The following CUEDC1 variants were observed in gnomAD, a reference collection of about 807,000 sequenced individuals.
CUEDC1 encodes CUE domain-containing protein 1.
In CUEDC1, 30 loss-of-function variants were observed where a neutral mutation model predicts 43.7. That is an observed-to-expected ratio of 0.69 (90% CI 0.51 to 0.93). The LOEUF is 0.93. Among genes scored for constraint, CUEDC1 ranks in the 40% least tolerant of loss-of-function variants. CUEDC1 has a pLI of 0.00. For missense variants in CUEDC1, 486 were observed against 549.0 expected (o/e 0.89, Z 1.15); for synonymous variants, 223 against 223.6 (o/e 1.00, Z 0.02).
At chr17:57,863,394 TA>T (rs2073909619) in intron 10 of CUEDC1, 109 bp from the exon 11 acceptor site, 1 of 152,250 alleles carries the variant, frequency 6.6e-6, no homozygotes, top group Admixed American at 6.5e-5. Context: ...ACTAAAGACG[TA>T]AGCCCTCTCC....
At chr17:57,890,285 CAGAGGACA>C (rs2074341329) in intron 1 of CUEDC1, among the ~76,000 whole-genome samples, 1 of 152,160 alleles carries the variant, frequency 6.6e-6, no homozygotes, top group Non-Finnish European at 1.5e-5. Context: ...GGGCACAGCC[CAGAGGACA>C]TTTCAGCACA....
intron 2 of CUEDC1, among the ~76,000 whole-genome samples, chr17:57,880,767 T>C (rs2144952299): frequency 6.6e-6 from 1 of 152,294 alleles, no homozygotes; most frequent in East Asian, 1.9e-4. Context: ...CCACCACCCC[T>C]GGCTAATCTT....
At chr17:57,867,692 CCT>C (rs948399430) in intron 8 of CUEDC1, 46 of 547,876 alleles carry the variant, frequency 8.4e-5, no homozygotes, top group African/African-American at 7.3e-4. Context: ...TATCCTAGGC[CCT>C]GTTTGAGAAG....
chr17:57,948,300 A>C (rs1442187020), intron 1 of CUEDC1, among the ~76,000 whole-genome samples: 2 of 151,980 alleles, frequency 1.3e-5, no homozygotes, highest in Admixed American at 6.6e-5. Flanking sequence ...ATGCTCCACT[A>C]CTTCCAGGTT....
At chr17:57,901,026 C>A (rs1294264876) in intron 1 of CUEDC1, among the ~76,000 whole-genome samples, 1 of 152,168 alleles carries the variant, frequency 6.6e-6, no homozygotes, top group African/African-American at 2.4e-5. Flanking sequence ...TGAGAACATG[C>A]TCTGGGGATG....
At chr17:57,865,254 C>T (rs909490029) in intron 10 of CUEDC1, among the ~76,000 whole-genome samples, 18 of 152,268 alleles carry the variant, frequency 1.2e-4, no homozygotes, top group Admixed American at 3.9e-4. Context: ...AAGTGGGCCG[C>T]GGCTTTGTGT....
intron 3 of CUEDC1, among the ~76,000 whole-genome samples, chr17:57,876,710 GCCATCC>G (rs2074130933): frequency 6.6e-6 from 1 of 152,244 alleles, no homozygotes; most frequent in South Asian, 2.1e-4. Flanking sequence ...GTCTAGCAGA[GCCATCC>G]TGGGGCAAAG....
At chr17:57,935,083 A>G (rs777252421) in intron 1 of CUEDC1, among the ~76,000 whole-genome samples, 1 of 152,242 alleles carries the variant, frequency 6.6e-6, no homozygotes, top group Non-Finnish European at 1.5e-5. Flanking sequence ...AAGCTCCCCA[A>G]GACAGCAAAG....
intron 1 of CUEDC1, among the ~76,000 whole-genome samples, chr17:57,890,637 C>T (rs973060416): frequency 2.6e-5 from 4 of 152,208 alleles, no homozygotes; most frequent in Non-Finnish European, 4.4e-5. Flanking sequence ...TGAAGGAATC[C>T]AGGCCCGGCA....
chr17:57,920,013 C>T (rs775859230), intron 1 of CUEDC1, among the ~76,000 whole-genome samples: 4 of 152,174 alleles, frequency 2.6e-5, no homozygotes, highest in African/African-American at 9.7e-5. Context: ...TCACAGGCCC[C>T]GGCTCATTTT....
At chr17:57,879,401 G>A (rs981163603) in intron 3 of CUEDC1, among the ~76,000 whole-genome samples, 4 of 152,358 alleles carry the variant, frequency 2.6e-5, no homozygotes, top group African/African-American at 7.2e-5. Flanking sequence ...GCCTAGCCTA[G>A]AGTAGGAATT....
chr17:57,865,315 T>C (rs1300591520), intron 10 of CUEDC1, among the ~76,000 whole-genome samples: 1 of 152,044 alleles, frequency 6.6e-6, no homozygotes, highest in East Asian at 1.9e-4. Flanking sequence ...TGGTGGGAGA[T>C]GTGGTAGGGA....
At position 57,872,787 on chromosome 17, in the gene CUEDC1, G is replaced by C. The variant is rs774670653; in HGVS notation, c.660C>G (p.Pro220=). The change falls in exon 5 of 11, where the codon CCC becomes CCG. Residue 220 remains proline, a synonymous_variant. Coordinates refer to ENST00000577830, the MANE Select transcript of CUEDC1 (RefSeq NM_001271875.2). ...GCPPAMAGPG[P]GDQESRWKQY... ...GCTTCCAGCGGCTCTCCTGGTCTCCGGGCCCTGGCCCAGCCATGGCAGGTG... is the reference window on the plus strand; with the variant it reads ...GCTTCCAGCGGCTCTCCTGGTCTCCCGGCCCTGGCCCAGCCATGGCAGGTG... 8 of 1,614,160 alleles carry C rather than the reference G, an allele frequency of 5.0e-6. No individual in the cohort carries two copies. Among genetic ancestry groups the C allele is most frequent in the Non-Finnish European group, 6.8e-6 (8 of 1,180,034 alleles).
intron 2 of CUEDC1, among the ~76,000 whole-genome samples, chr17:57,883,516 G>A (rs2074244366): frequency 1.3e-5 from 2 of 152,206 alleles, no homozygotes; most frequent in African/African-American, 4.8e-5. Flanking sequence ...CTGAGGTCAG[G>A]AGTTCGAGAC....
rs747788787 is a variant in CUEDC1, at chr17:57,896,767, C to CTTTTT, written c.-315-10893_-315-10889dup. ...TGATTTTTATATCTTTTTCTTCTTTCTTTTTTTTTTTTTTTTTTTTTGAGA... is the reference window on the plus strand; with the variant it reads ...TGATTTTTATATCTTTTTCTTCTTTCTTTTTTTTTTTTTTTTTTTTTTTTTTGAGA... On this transcript the variant is annotated intron_variant, in intron 1 of 10. Coordinates refer to ENST00000577830, the MANE Select transcript of CUEDC1 (RefSeq NM_001271875.2). Among the ~76,000 whole-genome samples the CTTTTT allele has an allele frequency of 5.7e-3, 643 of 112,218 alleles. 1 individual carries two copies. Among genetic ancestry groups the CTTTTT allele is most frequent in the Non-Finnish European group, 6.9e-3 (376 of 54,244 alleles). The allele number at this position is 112,218 out of a possible 152,430, so 73.6% of individuals were successfully genotyped here. A position where few individuals can be genotyped will look rare whatever the true frequency, so the allele number is the denominator to read the frequency against.
At position 57,954,632 on chromosome 17, in the gene CUEDC1, ACG is replaced by A. The variant is rs532857113; in HGVS notation, c.-316+591_-316+592del. On this transcript the variant is annotated intron_variant, in intron 1 of 10. Coordinates refer to ENST00000577830, the MANE Select transcript of CUEDC1 (RefSeq NM_001271875.2). This position sits in a 1 kb window ranked among gnomAD's most constrained non-coding sequence, Gnocchi z 4.3. ...TTCCCAACTTTCCCTGGCCGAGCTG[ACG>A]GGAGATACAGCTCCCAGGGGACCGG... Among the ~76,000 whole-genome samples, 481 of 152,052 alleles carry A rather than the reference ACG, an allele frequency of 3.2e-3. 5 individuals are homozygous for A. Among genetic ancestry groups the A allele is most frequent in the African/African-American group, 0.011 (457 of 41,482 alleles).
chr17:57,907,238 T>G (rs1366213153), intron 1 of CUEDC1, among the ~76,000 whole-genome samples: 3 of 152,164 alleles, frequency 2.0e-5, no homozygotes, highest in Non-Finnish European at 2.9e-5. Context: ...TTGAAATCCT[T>G]GCGTTATGAT....
At chr17:57,916,856 CT>C (rs1319374043) in intron 1 of CUEDC1, among the ~76,000 whole-genome samples, 2 of 152,142 alleles carry the variant, frequency 1.3e-5, no homozygotes, top group African/African-American at 4.8e-5. Flanking sequence ...AGTGCACTGT[CT>C]GTTTTATTTC....
chr17:57,913,186 G>T (rs964377482), intron 1 of CUEDC1, among the ~76,000 whole-genome samples: 1 of 152,028 alleles, frequency 6.6e-6, no homozygotes, highest in Non-Finnish European at 1.5e-5. Flanking sequence ...AAATTAGCTG[G>T]GCGTGGTGGC....
Sources: allele counts gnomAD v4.1 joint callset (sites outside exome capture counted in the v4.1 genomes callset), GRCh38; gene constraint gnomAD v4.1.1; non-coding constraint Gnocchi (gnomAD v3.1); transcripts MANE v1.5; gene names NCBI Gene and HGNC (gene_info 2026-07-23, HGNC 2026-07-21).